The following DNAJC1 variants were observed in gnomAD, a reference collection of about 807,000 sequenced individuals.
DNAJC1 encodes the protein DnaJ heat shock protein family (Hsp40) member C1, also known as dnaJ homolog subfamily C member 1.
In DNAJC1, 58 loss-of-function variants were observed where a neutral mutation model predicts 76.6. The observed-to-expected ratio is 0.76, with a 90% CI of 0.61 to 0.94. DNAJC1 has a LOEUF of 0.94. Among genes scored for constraint, DNAJC1 ranks in the 40% least tolerant of loss-of-function variants. The pLI, the probability that DNAJC1 is intolerant of heterozygous loss-of-function variation, is 0.00. For synonymous variants in DNAJC1, 258 were observed against 267.9 expected, an observed-to-expected ratio of 0.96 and a Z score of 0.36; for missense variants, 689 against 677.3, an observed-to-expected ratio of 1.02 and a Z score of -0.19.
intron 7 of DNAJC1, among the ~76,000 whole-genome samples, chr10:21,897,738 C>T (rs1836566740): frequency 6.6e-6 from 1 of 152,202 alleles, no homozygotes; most frequent in Non-Finnish European, 1.5e-5. Context: ...TGATGTAAAG[C>T]ATCTACAAAA....
At chr10:21,972,550 A>C (rs571788503) in intron 1 of DNAJC1, among the ~76,000 whole-genome samples, 1 of 152,212 alleles carries the variant, frequency 6.6e-6, no homozygotes, top group East Asian at 1.9e-4. Context: ...AATTTAAATA[A>C]GAAAAAAATT....
intron 6 of DNAJC1, among the ~76,000 whole-genome samples, chr10:21,908,281 T>G (rs1409787945): frequency 8.1e-6 from 1 of 122,770 alleles, no homozygotes; most frequent in Non-Finnish European, 1.6e-5. Flanking sequence ...TATATATATA[T>G]ATATATAAGA....
chr10:21,829,138 C>T (rs11593287), intron 8 of DNAJC1, among the ~76,000 whole-genome samples: 10,812 of 151,928 alleles, frequency 0.071, 529 homozygotes, highest in South Asian at 0.12. Context: ...GCAAGCGATT[C>T]TCCTGCCACA....
At chr10:21,911,038 AGAAAGGAAGG>A (rs1836850813) in intron 6 of DNAJC1, among the ~76,000 whole-genome samples, 1 of 102,858 alleles carries the variant, frequency 9.7e-6, no homozygotes, top group Non-Finnish European at 2.0e-5. Flanking sequence ...AGAAAGAGAG[AGAAAGGAAGG>A]AAGGAAGGAA....
At chr10:21,966,684 CTTCT>C (rs1354468620) in intron 1 of DNAJC1, among the ~76,000 whole-genome samples, 17 of 102,022 alleles carry the variant, frequency 1.7e-4, no homozygotes, top group African/African-American at 7.0e-4. Flanking sequence ...CTTTCTTCTT[CTTCT>C]TTTTTTTTTT....
At chr10:21,822,538 C>T (rs1835178024) in intron 8 of DNAJC1, among the ~76,000 whole-genome samples, 1 of 151,938 alleles carries the variant, frequency 6.6e-6, no homozygotes. Flanking sequence ...AAAGAAAAAA[C>T]TGAGACCTAC....
intron 8 of DNAJC1, among the ~76,000 whole-genome samples, chr10:21,842,180 T>C (rs982122715): frequency 1.3e-5 from 2 of 151,284 alleles, no homozygotes; most frequent in African/African-American, 4.9e-5. Context: ...CACACCAACA[T>C]GGCACATGTA....
At chr10:21,981,553 C>T (rs948727090) in intron 1 of DNAJC1, among the ~76,000 whole-genome samples, 5 of 152,058 alleles carry the variant, frequency 3.3e-5, no homozygotes, top group African/African-American at 1.2e-4. Context: ...ATAAGCTCCA[C>T]AAGTTGTTAG....
intron 8 of DNAJC1, among the ~76,000 whole-genome samples, chr10:21,865,044 A>C (rs1363323380): frequency 6.6e-6 from 1 of 152,158 alleles, no homozygotes; most frequent in African/African-American, 2.4e-5. Flanking sequence ...AGAATGACTA[A>C]AATTAAAGAG....
intron 6 of DNAJC1, among the ~76,000 whole-genome samples, chr10:21,910,865 A>AGGAGG: frequency 6.9e-6 from 1 of 144,060 alleles, no homozygotes; most frequent in Non-Finnish European, 1.5e-5. Context: ...AGGAGAGGAG[A>AGGAGG]GGAGAGGAGA....
intron 1 of DNAJC1, among the ~76,000 whole-genome samples, chr10:21,947,284 G>A (rs934468756): frequency 8.6e-5 from 13 of 151,992 alleles, no homozygotes; most frequent in African/African-American, 2.9e-4. Context: ...TGAACACCAG[G>A]AGTTTGATCT....
intron 9 of DNAJC1, among the ~76,000 whole-genome samples, chr10:21,766,900 G>A (rs950824647): frequency 9.2e-5 from 14 of 151,404 alleles, no homozygotes; most frequent in African/African-American, 3.2e-4. Flanking sequence ...AACCCAGGAG[G>A]CGGAGGTTGC....
intron 6 of DNAJC1, among the ~76,000 whole-genome samples, chr10:21,908,491 G>GGGT (rs1044586262): frequency 1.4e-5 from 2 of 147,568 alleles, no homozygotes; most frequent in African/African-American, 5.0e-5. Context: ...ATTTTTCATG[G>GGGT]GGGGGGGGTG....
chr10:21,930,196 G>A lies in DNAJC1; in HGVS notation c.223-1055C>T, dbSNP rs376495449. On this transcript the variant is annotated intron_variant, in intron 1 of 11. Coordinates refer to ENST00000376980, the MANE Select transcript of DNAJC1 (RefSeq NM_022365.4). ...TCCCCAGGTTGGCCAGGCTGGTCTC[G>A]AACTCCTGACCTCAAGTGATCCAAC... Among the ~76,000 whole-genome samples, 8 of 152,254 alleles carry A rather than the reference G, an allele frequency of 5.3e-5. No homozygotes were observed. The East Asian group carries it at 7.7e-4, about 15-fold the overall frequency.
intron 1 of DNAJC1, among the ~76,000 whole-genome samples, chr10:21,985,315 T>A (rs1838227124): frequency 6.6e-6 from 1 of 150,442 alleles, no homozygotes; most frequent in African/African-American, 2.5e-5. Flanking sequence ...AGGGGCACGA[T>A]CTTGGCTCAC....
Position 21,872,950 on chromosome 10 carries a change from C to T in DNAJC1, c.978+9332G>A, listed in dbSNP as rs550311562. 4.9e-4 allele frequency among the ~76,000 whole-genome samples: 75 copies of T among 152,294 alleles called. 1 individual carries two copies. Among genetic ancestry groups the T allele is most frequent in the African/African-American group, 1.6e-3 (68 of 41,552 alleles). On this transcript the variant is annotated intron_variant, in intron 8 of 11. Coordinates refer to ENST00000376980, the MANE Select transcript of DNAJC1 (RefSeq NM_022365.4). ...TGAAATCCACAGGCAGACAGCCCGG[C>T]GCCGTGCCCTGGGCCTGGTAGTTAA...
intron 9 of DNAJC1, among the ~76,000 whole-genome samples, chr10:21,784,513 C>G (rs571952045): frequency 3.4e-4 from 52 of 152,256 alleles, no homozygotes; most frequent in African/African-American, 1.1e-3. Context: ...GGATCTAGAA[C>G]TAGAAATACC....
chr10:21,862,561 T>A (rs925726827), intron 8 of DNAJC1, among the ~76,000 whole-genome samples: 1 of 151,628 alleles, frequency 6.6e-6, no homozygotes, highest in Non-Finnish European at 1.5e-5. Context: ...CCCAAGTAGC[T>A]GAGATTACAG....
intron 1 of DNAJC1, among the ~76,000 whole-genome samples, chr10:21,955,970 T>C (rs945403628): frequency 5.9e-5 from 9 of 152,326 alleles, no homozygotes; most frequent in African/African-American, 1.9e-4. Context: ...TATTTTACCT[T>C]CGAATTCTTT....
Sources: allele counts gnomAD v4.1 joint callset (sites outside exome capture counted in the v4.1 genomes callset), GRCh38; gene constraint gnomAD v4.1.1; transcripts MANE v1.5; gene names NCBI Gene and HGNC (gene_info 2026-07-23, HGNC 2026-07-21).